The following IL16 variants were observed in gnomAD, a reference collection of about 807,000 sequenced individuals.
IL16 encodes the protein pro-interleukin-16.
In IL16, 67 loss-of-function variants were observed where a neutral mutation model predicts 110.1. The ratio of observed to expected loss-of-function variants is 0.61; its 90% CI spans 0.50 to 0.75. The LOEUF is 0.75. IL16 is among the 30% of genes least tolerant of loss of function. The pLI, the probability that IL16 is intolerant of heterozygous loss-of-function variation, is 0.00. For missense variants in IL16, 1,545 were observed against 1,655.0 expected, an observed-to-expected ratio of 0.93 and a Z score of 1.15; for synonymous variants, 689 against 662.9, an observed-to-expected ratio of 1.04 and a Z score of -0.61.
At chr15:81,198,354 G>A (rs1212846831) in intron 1 of IL16, among the ~76,000 whole-genome samples, 2 of 152,026 alleles carry the variant, frequency 1.3e-5, no homozygotes, top group African/African-American at 2.4e-5. Context: ...GGACCACTCA[G>A]CTAGACGTTC....
intron 4 of IL16, among the ~76,000 whole-genome samples, chr15:81,266,598 C>T (rs946521218): frequency 1.3e-5 from 2 of 152,204 alleles, no homozygotes; most frequent in African/African-American, 4.8e-5. Flanking sequence ...CTTTTGGTCA[C>T]ACAGCGCCCT....
rs568347342 is a variant in IL16, at chr15:81,234,830, T to C, written c.312+9119T>C. ...AGTTATAAGTCAAGGTAAAATATGT[T>C]AAAAATACATGTTCTACCTTCCTAC... On this transcript the variant is annotated intron_variant, in intron 2 of 18. Transcript: ENST00000683961. 3.3e-5 allele frequency among the ~76,000 whole-genome samples: 5 copies of C among 152,298 alleles called. No individual in the cohort carries two copies. In the South Asian group the frequency reaches 1.0e-3, roughly 32 times the overall value.
intron 2 of IL16, among the ~76,000 whole-genome samples, chr15:81,236,528 T>C (rs558383185): frequency 7.7e-4 from 118 of 152,330 alleles, no homozygotes; most frequent in African/African-American, 2.7e-3. Context: ...CAATGTGATT[T>C]CTAGTTGCTG....
chr15:81,272,712 CATT>C (rs764885397), intron 5 of IL16, among the ~76,000 whole-genome samples: 4 of 152,098 alleles, frequency 2.6e-5, no homozygotes, highest in Non-Finnish European at 4.4e-5. Flanking sequence ...TAGGTAATAT[CATT>C]ATTATTTTAA....
chr15:81,201,973 A>G (rs1289729220), intron 1 of IL16, among the ~76,000 whole-genome samples: 1 of 152,236 alleles, frequency 6.6e-6, no homozygotes, highest in Non-Finnish European at 1.5e-5. Context: ...GCAATTCATC[A>G]GATTTGAACC....
chr15:81,217,243 A>G (rs1016242497), intron 1 of IL16, among the ~76,000 whole-genome samples: 1 of 152,206 alleles, frequency 6.6e-6, no homozygotes, highest in Non-Finnish European at 1.5e-5. Flanking sequence ...GAGCATATGC[A>G]CAGATTTTAG....
intron 1 of IL16, among the ~76,000 whole-genome samples, chr15:81,184,058 A>C (rs1291687621): frequency 3.9e-5 from 6 of 152,174 alleles, no homozygotes; most frequent in Non-Finnish European, 8.8e-5. Context: ...TGAGGGCCCA[A>C]AGTAGCCCTG....
At chr15:81,231,095 T>C (rs1595972645) in intron 2 of IL16, among the ~76,000 whole-genome samples, 1 of 152,070 alleles carries the variant, frequency 6.6e-6, no homozygotes, top group African/African-American at 2.4e-5. Flanking sequence ...TCCCAGAATT[T>C]TGGGAGGCTG....
At chr15:81,235,817 C>CAG (rs1380154282) in intron 2 of IL16, among the ~76,000 whole-genome samples, 1 of 152,140 alleles carries the variant, frequency 6.6e-6, no homozygotes, top group Non-Finnish European at 1.5e-5. Context: ...ACCCTTAAGG[C>CAG]AGAGAGTCTA....
rs559633388 is a variant in IL16 at position 81,297,999 on chromosome 15, T to C, written c.2053+921T>C. On this transcript the variant is annotated intron_variant, in intron 13 of 18. Coordinates refer to ENST00000683961, the MANE Select transcript of IL16 (RefSeq NM_172217.5). ...GAGCAGAGGCCCTGTGGGTGGAGGC[T>C]CCTCTCCCTTAGTCACCCTAATTGA... Among the ~76,000 whole-genome samples the C allele has an allele frequency of 3.9e-5, 6 of 152,290 alleles. No homozygotes were observed. In the South Asian group the frequency reaches 1.2e-3, roughly 32 times the overall value.
chr15:81,285,071 G>T (rs534841026), intron 9 of IL16, among the ~76,000 whole-genome samples: 9 of 151,234 alleles, frequency 6.0e-5, no homozygotes, highest in African/African-American at 2.2e-4. Context: ...GTGACCCCGT[G>T]TTTCCTACCT....
At chr15:81,279,409 CATAAT>C (rs1465425122) in intron 7 of IL16, 144 bp from the exon 8 acceptor site, 3 of 611,312 alleles carry the variant, frequency 4.9e-6, no homozygotes, top group Admixed American at 5.9e-5. Context: ...ACAAATATGT[CATAAT>C]ATAATTTGTA....
Position 81,239,979 on chromosome 15 carries a change from T to A in IL16, c.312+14268T>A, listed in dbSNP as rs79185925. Among the ~76,000 whole-genome samples, 1,250 of 152,266 alleles carry A rather than the reference T, an allele frequency of 8.2e-3. 13 individuals are homozygous for A. The highest frequency in any genetic ancestry group is 0.029 in the African/African-American group (1,203 of 41,538). On this transcript the variant is annotated intron_variant, in intron 2 of 18. Transcript: ENST00000683961. ...CTTTATATTGTTGTCTATTAAATAATTCCCAGGGTATTTAGTTGTATTTAG... is the reference window on the plus strand; with the variant it reads ...CTTTATATTGTTGTCTATTAAATAAATCCCAGGGTATTTAGTTGTATTTAG...
At chr15:81,242,240 A>G (rs555809285) in intron 2 of IL16, among the ~76,000 whole-genome samples, 20 of 152,260 alleles carry the variant, frequency 1.3e-4, no homozygotes, top group African/African-American at 4.8e-4. Flanking sequence ...ATTTACATAT[A>G]AATTTTGGAA....
chr15:81,303,500 T>C lies in IL16; in HGVS notation c.3319-49T>C, dbSNP rs1268885013. The C allele has an allele frequency of 2.4e-6, 3 of 1,268,248 alleles. No individual in the cohort carries two copies. In the African/African-American group the frequency reaches 4.4e-5, roughly 19 times the overall value. 78.6% of individuals were successfully genotyped at this position (1,268,248 alleles called of 1,614,324 possible). The stretch of plus-strand genomic sequence containing the variant: ...TGATGTCAGTCCGATGTTAAATTGT[T>C]CATCCTCTTGCAGTAAAATGTTTTT... On this transcript the variant is annotated intron_variant, in intron 15 of 18. Coordinates refer to ENST00000683961, the MANE Select transcript of IL16 (RefSeq NM_172217.5). The surrounding 1 kb of genome is among the most constrained non-coding windows in gnomAD (Gnocchi z 4.1).
chr15:81,262,465 T>G (rs1174359090), intron 3 of IL16, among the ~76,000 whole-genome samples: 1 of 150,864 alleles, frequency 6.6e-6, no homozygotes, highest in Non-Finnish European at 1.5e-5. Context: ...TGGTGTTTGA[T>G]ATGATGTAAG....
rs1435064483 is a variant in IL16 at position 81,282,785 on chromosome 15, AC to A, written c.1199+34del. The A allele has an allele frequency of 2.8e-6, 4 of 1,438,570 alleles. No individual in the cohort carries two copies. In the African/African-American group the frequency reaches 5.7e-5, roughly 20 times the overall value. The allele number at this position is 1,438,570 out of a possible 1,614,324, so 89.1% of individuals were successfully genotyped here. On this transcript the variant is annotated intron_variant, in intron 9 of 18. Coordinates refer to ENST00000683961, the MANE Select transcript of IL16 (RefSeq NM_172217.5). ...TGTCCTCACTTCTGTTTCTGAATAT[AC>A]CCCCGACTTACAACCAGGAAAGAAA...
At chr15:81,213,998 G>A (rs1197682636) in intron 1 of IL16, among the ~76,000 whole-genome samples, 6 of 150,226 alleles carry the variant, frequency 4.0e-5, no homozygotes, top group African/African-American at 1.5e-4. Flanking sequence ...TAGTGCCTGT[G>A]GGCTATGTGC....
At chr15:81,232,042 G>GTTTTTTTTTTTTTTCTTTTTTTTTTTTTT (rs1897010560) in intron 2 of IL16, among the ~76,000 whole-genome samples, 1 of 57,694 alleles carries the variant, frequency 1.7e-5, no homozygotes, top group Non-Finnish European at 3.3e-5. Context: ...ATTTGTTCTT[G>GTTTTTTTTTTTTTTCTTTTTTTTTTTTTT]TTTTTTTTTT....
Sources: gnomAD v4.1 joint callset for allele counts (sites outside exome capture counted in the v4.1 genomes callset) on GRCh38, gnomAD v4.1.1 for gene constraint, Gnocchi (gnomAD v3.1) non-coding constraint, MANE v1.5 for transcripts, NCBI Gene and HGNC (gene_info 2026-07-23, HGNC 2026-07-21) for gene names.